CRACD: variants seen among roughly 807,000 people sequenced by gnomAD.
CRACD encodes capping protein-inhibiting regulator of actin dynamics.
A neutral mutation model predicts 106.8 loss-of-function variants in CRACD; 56 were observed. That is an observed-to-expected ratio of 0.52 (90% CI 0.42 to 0.66). The LOEUF (loss-of-function observed/expected upper bound fraction) is 0.66. Ranked by LOEUF, CRACD falls within the 30% of genes least tolerant of loss-of-function variation. The pLI, the probability that CRACD is intolerant of heterozygous loss-of-function variation, is 0.00. For missense variants in CRACD, 1,730 were observed against 1,623.2 expected, an observed-to-expected ratio of 1.07 and a Z score of -1.13; for synonymous variants, 754 against 670.8, an observed-to-expected ratio of 1.12 and a Z score of -1.92.
At chr4:56,128,464 G>A (rs1301267108) in intron 1 of CRACD, among the ~76,000 whole-genome samples, 1 of 152,128 alleles carries the variant, frequency 6.6e-6, no homozygotes, top group Non-Finnish European at 1.5e-5. Flanking sequence ...GTTAATTTGT[G>A]GCTGGGCAGA....
rs993203238 is a variant in CRACD, at chr4:56,184,563, G to C, written c.-189+5133G>C. Among the ~76,000 whole-genome samples the C allele has an allele frequency of 5.3e-5, 8 of 152,202 alleles. 1 individual carries two copies. The highest frequency in any genetic ancestry group is 3.3e-4 in the Admixed American group (5 of 15,284). ...CACAGGTCTCCTCGATTGCCTTTTG[G>C]TTATCTAGCTGGCACTTCGTAGCTG... On this transcript the variant is annotated intron_variant, in intron 2 of 10. Transcript: ENST00000682029.
At chr4:56,119,720 A>G (rs1462104706) in intron 1 of CRACD, among the ~76,000 whole-genome samples, 1 of 152,158 alleles carries the variant, frequency 6.6e-6, no homozygotes, top group Non-Finnish European at 1.5e-5. Context: ...CTGGAAAGAT[A>G]TCCACAAGCC....
chr4:56,270,030 T>C (rs757688528), intron 2 of CRACD, among the ~76,000 whole-genome samples: 90 of 152,222 alleles, frequency 5.9e-4, no homozygotes, highest in Non-Finnish European at 9.8e-4. Context: ...TATCCTTTCC[T>C]TTAAATGTGA....
chr4:56,311,754 A>G (rs1422520910), intron 6 of CRACD: 1 of 152,200 alleles, frequency 6.6e-6, no homozygotes, highest in Non-Finnish European at 1.5e-5. Flanking sequence ...TCACCACTCC[A>G]TGCCTACAGC....
intron 1 of CRACD, among the ~76,000 whole-genome samples, chr4:56,154,880 G>A (rs1735716387): frequency 6.6e-6 from 1 of 152,108 alleles, no homozygotes. Context: ...TTTCTATGAG[G>A]TATTTGACCA....
chr4:56,072,414 C>CA (rs950280676), intron 1 of CRACD, among the ~76,000 whole-genome samples: 70 of 152,186 alleles, frequency 4.6e-4, no homozygotes, highest in Admixed American at 9.8e-4. Flanking sequence ...AGAATAGAGA[C>CA]AAAAATTTGC....
chr4:56,136,366 A>G (rs1162397933), intron 1 of CRACD, among the ~76,000 whole-genome samples: 1 of 152,182 alleles, frequency 6.6e-6, no homozygotes, highest in African/African-American at 2.4e-5. Context: ...GTGCCATTAC[A>G]CATTCTCACT....
chr4:56,176,769 G>A (rs755387043), intron 1 of CRACD, among the ~76,000 whole-genome samples: 1 of 152,108 alleles, frequency 6.6e-6, no homozygotes, highest in Non-Finnish European at 1.5e-5. Context: ...AGTTTTCATT[G>A]TAGAGATCTT....
chr4:56,262,141 C>T (rs1182426770), intron 2 of CRACD, among the ~76,000 whole-genome samples: 15 of 152,080 alleles, frequency 9.9e-5, no homozygotes. Flanking sequence ...TTGAAAAAGT[C>T]CTGAAAAAAT....
At position 56,057,958 on chromosome 4, in the gene CRACD, A is replaced by G. The variant is rs1283607549; in HGVS notation, c.-336+8659A>G. Among the ~76,000 whole-genome samples, 2 of 118,514 alleles carry G rather than the reference A, an allele frequency of 1.7e-5. 1 individual carries two copies. The highest frequency in any genetic ancestry group is 3.4e-5 in the Non-Finnish European group (2 of 58,990). 77.7% of individuals were successfully genotyped at this position (118,514 alleles called of 152,430 possible). ...CTCAGCCTCCCGAGTAGCTGGGACTACAGGCGCCCGCTACCACGCCCAGCT... is the reference window on the plus strand; with the variant it reads ...CTCAGCCTCCCGAGTAGCTGGGACTGCAGGCGCCCGCTACCACGCCCAGCT... On this transcript the variant is annotated intron_variant, in intron 1 of 10. Coordinates refer to ENST00000682029, the MANE Select transcript of CRACD (RefSeq NM_001393381.1).
rs1560438245 is a variant in CRACD, at chr4:56,057,819, T to TG, written c.-336+8520_-336+8521insG. On this transcript the variant is annotated intron_variant, in intron 1 of 10. Coordinates refer to ENST00000682029, the MANE Select transcript of CRACD (RefSeq NM_001393381.1). ...TTTGTATTTTTTTTTTTTTTGTTTTTTTTTTTTTTTTTTTTTTGAGACGGA... is the reference window on the plus strand; with the variant it reads ...TTTGTATTTTTTTTTTTTTTGTTTTTGTTTTTTTTTTTTTTTTTGAGACGGA... Among the ~76,000 whole-genome samples the TG allele has an allele frequency of 2.2e-3, 177 of 79,190 alleles. 6 individuals carry two copies. Among genetic ancestry groups the TG allele is most frequent in the Non-Finnish European group, 3.1e-3 (127 of 41,072 alleles). The allele number at this position is 79,190 out of a possible 152,430, so 52.0% of individuals were successfully genotyped here. A position where few individuals can be genotyped will look rare whatever the true frequency, so the allele number is the denominator to read the frequency against.
At chr4:56,243,448 C>T (rs1740487997) in intron 2 of CRACD, among the ~76,000 whole-genome samples, 1 of 152,182 alleles carries the variant, frequency 6.6e-6, no homozygotes, top group Non-Finnish European at 1.5e-5. Flanking sequence ...GAACTCCTAA[C>T]TTGTTTGAGT....
intron 6 of CRACD, chr4:56,311,533 T>C (rs915785825): frequency 6.6e-6 from 1 of 152,258 alleles, no homozygotes; most frequent in African/African-American, 2.4e-5. Flanking sequence ...AAACAAATGT[T>C]TCATTCAGCA....
Position 56,329,032 on chromosome 4 carries a change from A to G in CRACD, c.*1228A>G, listed in dbSNP as rs1746642033. On this transcript the variant is annotated 3_prime_UTR_variant, in exon 11 of 11. Transcript: ENST00000682029. ...GAGTCACATGTCCAGTAGCATTTCT[A>G]ATTTTGAGCATTCACCTTGCTACCT... Among the ~76,000 whole-genome samples the G allele has an allele frequency of 6.6e-6, 1 of 152,210 alleles. No homozygotes were observed. The highest frequency in any genetic ancestry group is 2.4e-5 in the African/African-American group (1 of 41,454).
At chr4:56,111,174 G>A (rs1226741980) in intron 1 of CRACD, among the ~76,000 whole-genome samples, 3 of 152,136 alleles carry the variant, frequency 2.0e-5, no homozygotes, top group Non-Finnish European at 4.4e-5. Context: ...GGAACAACTA[G>A]CAGGAGGGTA....
intron 1 of CRACD, among the ~76,000 whole-genome samples, chr4:56,128,105 A>G (rs961688771): frequency 6.6e-6 from 1 of 151,858 alleles, no homozygotes; most frequent in Admixed American, 6.6e-5. Context: ...CATCATATCA[A>G]TATTTCCTGA....
chr4:56,086,359 C>T (rs1733219800), intron 1 of CRACD, among the ~76,000 whole-genome samples: 1 of 152,064 alleles, frequency 6.6e-6, no homozygotes, highest in Non-Finnish European at 1.5e-5. Flanking sequence ...CTCATTACAG[C>T]CTTGACCTCC....
At chr4:56,097,959 A>G (rs1239332070) in intron 1 of CRACD, among the ~76,000 whole-genome samples, 2 of 152,218 alleles carry the variant, frequency 1.3e-5, no homozygotes, top group Non-Finnish European at 2.9e-5. Context: ...TAAATTTACT[A>G]AAGGAAACCC....
chr4:56,300,282 GC>G (rs1744291349), intron 4 of CRACD, among the ~76,000 whole-genome samples: 1 of 152,222 alleles, frequency 6.6e-6, no homozygotes, highest in African/African-American at 2.4e-5. Context: ...CAGGGAAGTA[GC>G]CAAGAGACCT....
Sources: allele counts gnomAD v4.1 joint callset (sites outside exome capture counted in the v4.1 genomes callset), GRCh38; gene constraint gnomAD v4.1.1; transcripts MANE v1.5; gene names NCBI Gene and HGNC (gene_info 2026-07-23, HGNC 2026-07-21).